Variants in SERPINB2 observed in about 807,000 individuals in gnomAD.
SERPINB2 encodes the protein plasminogen activator inhibitor 2.
A neutral mutation model predicts 39.4 loss-of-function variants in SERPINB2; 28 were observed. That is an observed-to-expected ratio of 0.71 (90% CI 0.53 to 0.97). The LOEUF (loss-of-function observed/expected upper bound fraction) is 0.97, where lower values mean the gene tolerates loss of function less well. Ranked by LOEUF, SERPINB2 falls within the 50% of genes least tolerant of loss-of-function variation. The pLI, the probability that SERPINB2 is intolerant of heterozygous loss-of-function variation, is 0.00. For missense variants in SERPINB2, 557 were observed against 505.3 expected, an observed-to-expected ratio of 1.10 and a Z score of -0.98; for synonymous variants, 209 against 175.1, an observed-to-expected ratio of 1.19 and a Z score of -1.53.
chr18:63,891,646 A>G (rs192334033), intron 2 of SERPINB2, 34 bp downstream of exon 2: 1 of 1,595,208 alleles, frequency 6.3e-7, no homozygotes, highest in African/African-American at 1.3e-5. Flanking sequence ...ATTTGGGCCG[A>G]GTAGTTCCTG....
chr18:63,901,816 C>T lies in SERPINB2; in HGVS notation c.612C>T (p.Phe204=), dbSNP rs374890983. 3.7e-6 allele frequency: 6 copies of T among 1,603,470 alleles called. No individual in the cohort carries two copies. Among genetic ancestry groups the T allele is most frequent in the African/African-American group, 1.3e-5 (1 of 74,140 alleles). The part of the protein sequence containing the change: ...TRMVLVNAVY[F]KGKWKTPFEK... ...TGGTCCTGGTGAATGCTGTCTACTT[C>T]AAAGGAAAGTGGAAAACTCCATTTG... Residue 204 remains phenylalanine (F), a synonymous_variant, in exon 6 of 8, where the codon TTC becomes TTT. Transcript: ENST00000299502.
Position 63,897,158 on chromosome 18 carries a change from G to A in SERPINB2, c.356G>A (p.Gly119Glu). 3 of 1,613,448 alleles carry A rather than the reference G, an allele frequency of 1.9e-6. No homozygotes were observed. The highest frequency in any genetic ancestry group is 2.5e-6 in the Non-Finnish European group (3 of 1,179,616). ...AGCTCTGCAATCAATGCATCCACAGGGAATTATTTACTGGAAAGTGTCAAT... is the reference window on the plus strand; with the variant it reads ...AGCTCTGCAATCAATGCATCCACAGAGAATTATTTACTGGAAAGTGTCAAT... ...SLSSAINAST[G>E]NYLLESVNKL... The change falls in exon 4 of 8, where the codon GGG (glycine) becomes GAG (glutamate). Residue 119 changes from glycine to glutamate, a missense_variant. Gly to Glu is a moderately conservative substitution (Grantham distance 98). Transcript: ENST00000299502.
rs200387636 is a variant in SERPINB2, at chr18:63,895,346, A to T, written c.251A>T (p.Gln84Leu). The change falls in exon 3 of 8, where the codon CAG (glutamine) becomes CTG (leucine). Residue 84 changes from glutamine (Q) to leucine (L), a missense_variant. By Grantham distance (113) the Gln-to-Leu change is moderately radical (BLOSUM62 -2). Transcript: ENST00000299502. ...ENFTSCGFMQQIQKGSYPDAI... is the reference protein window; with the variant it reads ...ENFTSCGFMQLIQKGSYPDAI... ...TTTACCAGCTGTGGGTTCATGCAGCAGATCCAGAAGGGTAGTTATCCTGAT... is the reference window on the plus strand; with the variant it reads ...TTTACCAGCTGTGGGTTCATGCAGCTGATCCAGAAGGGTAGTTATCCTGAT... The T allele has an allele frequency of 4.3e-6, 7 of 1,614,028 alleles. No individual in the cohort carries two copies. The African/African-American group carries it at 5.3e-5, about 12-fold the overall frequency.
intron 1 of SERPINB2, among the ~76,000 whole-genome samples, chr18:63,888,095 T>G (rs1044080726): frequency 1.3e-5 from 2 of 152,218 alleles, no homozygotes; most frequent in Non-Finnish European, 2.9e-5. Flanking sequence ...GCTACTGTTT[T>G]GACACTAAAT....
chr18:63,894,250 T>C (rs904372444), intron 2 of SERPINB2, among the ~76,000 whole-genome samples: 1 of 138,218 alleles, frequency 7.2e-6, no homozygotes, highest in African/African-American at 2.8e-5. Flanking sequence ...TCGTAGGAAA[T>C]CTTCTTCTTT....
Position 63,899,609 on chromosome 18 carries a change from G to A in SERPINB2, c.535+1765G>A, listed in dbSNP as rs946907473. Among the ~76,000 whole-genome samples, 4 of 152,210 alleles carry A rather than the reference G, an allele frequency of 2.6e-5. No individual in the cohort carries two copies. In the East Asian group the frequency reaches 7.7e-4, roughly 29 times the overall value. ...TCCATCTTACCAATTTGTGGTTGGA[G>A]CATCCTGTTCCCAGGGGATTAGCCG... On this transcript the variant is annotated intron_variant, in intron 5 of 7. Transcript: ENST00000299502.
intron 5 of SERPINB2, among the ~76,000 whole-genome samples, chr18:63,898,760 C>G (rs1568237283): frequency 6.6e-6 from 1 of 152,136 alleles, no homozygotes. Flanking sequence ...ATTGGGAAGA[C>G]AGGCTGGAGC....
intron 1 of SERPINB2, among the ~76,000 whole-genome samples, chr18:63,888,719 A>G (rs2049907532): frequency 6.6e-6 from 1 of 152,240 alleles, no homozygotes; most frequent in Non-Finnish European, 1.5e-5. Flanking sequence ...AGGAACCAAC[A>G]CACACACCAC....
intron 3 of SERPINB2, among the ~76,000 whole-genome samples, chr18:63,896,046 G>A (rs1192913311): frequency 6.6e-6 from 1 of 152,094 alleles, no homozygotes; most frequent in Non-Finnish European, 1.5e-5. Context: ...TAAAAACTGA[G>A]TATAGACTGC....
chr18:63,893,496 T>C (rs1327960209), intron 2 of SERPINB2, among the ~76,000 whole-genome samples: 1 of 151,386 alleles, frequency 6.6e-6, no homozygotes, highest in Non-Finnish European at 1.5e-5. Context: ...GTGTAGATTT[T>C]GAAATTCAAA....
chr18:63,899,251 G>A (rs1411499157), intron 5 of SERPINB2, among the ~76,000 whole-genome samples: 1 of 152,024 alleles, frequency 6.6e-6, no homozygotes, highest in Non-Finnish European at 1.5e-5. Context: ...AGTCACATTA[G>A]TGTTAGCCAT....
At position 63,902,512 on chromosome 18, in the gene SERPINB2, A is replaced by C. The variant is rs1267719564; in HGVS notation, c.787A>C (p.Ser263Arg). ...AGAACTCCCATATGCTGGAGATGTT[A>C]GCATGTTCTTGTTGCTTCCAGATGA... ...ILELPYAGDVSMFLLLPDEIA... is the reference protein window; with the variant it reads ...ILELPYAGDVRMFLLLPDEIA... The change falls in exon 7 of 8, where the codon AGC becomes CGC. Residue 263 changes from serine to arginine, a missense_variant. Coordinates refer to ENST00000299502, the MANE Select transcript of SERPINB2 (RefSeq NM_002575.3). 6.2e-7 allele frequency: 1 copy of C among 1,613,704 alleles called. No individual in the cohort carries two copies. Among genetic ancestry groups the C allele is most frequent in the South Asian group, 1.1e-5 (1 of 91,052 alleles).
chr18:63,889,181 T>C (rs896501792), intron 1 of SERPINB2, among the ~76,000 whole-genome samples: 2 of 152,210 alleles, frequency 1.3e-5, no homozygotes, highest in South Asian at 4.1e-4. Flanking sequence ...CAGGTAATTA[T>C]GCAAATTGAA....
intron 4 of SERPINB2, 80 bp from the exon 5 acceptor site, chr18:63,897,647 G>T: frequency 9.7e-7 from 1 of 1,030,266 alleles, no homozygotes; most frequent in Admixed American, 1.8e-5. Context: ...AATTTCAATG[G>T]GAAGACCATA....
At chr18:63,900,810 A>G (rs1367284119) in intron 5 of SERPINB2, among the ~76,000 whole-genome samples, 1 of 152,028 alleles carries the variant, frequency 6.6e-6, no homozygotes, top group Non-Finnish European at 1.5e-5. Context: ...TCCTACTTCA[A>G]AACCACATTG....
chr18:63,896,163 C>T (rs1222794016), intron 3 of SERPINB2, among the ~76,000 whole-genome samples: 1 of 152,026 alleles, frequency 6.6e-6, no homozygotes, highest in African/African-American at 2.4e-5. Flanking sequence ...TACCCATTGC[C>T]CAGGGAATTA....
At chr18:63,892,152 C>T (rs1471405969) in intron 2 of SERPINB2, among the ~76,000 whole-genome samples, 1 of 151,702 alleles carries the variant, frequency 6.6e-6, no homozygotes, top group African/African-American at 2.4e-5. Flanking sequence ...CTCACTATAC[C>T]CACAGGATGC....
At chr18:63,902,776 A>T in intron 7 of SERPINB2, 125 bp from the exon 8 acceptor site, 1 of 1,183,754 alleles carries the variant, frequency 8.4e-7, no homozygotes, top group Non-Finnish European at 1.2e-6. Flanking sequence ...CAATCTGTTA[A>T]CTTTCTATAT....
At chr18:63,897,063 T>C (rs1296383984) in intron 3 of SERPINB2, 28 bp from the exon 4 acceptor site, 2 of 1,603,158 alleles carry the variant, frequency 1.2e-6, no homozygotes, top group African/African-American at 1.3e-5. Flanking sequence ...CTGTGTTATA[T>C]ATAAAGAATT....
Sources: gnomAD v4.1 joint callset for allele counts (sites outside exome capture counted in the v4.1 genomes callset) on GRCh38, gnomAD v4.1.1 for gene constraint, MANE v1.5 for transcripts, NCBI Gene and HGNC (gene_info 2026-07-23, HGNC 2026-07-21) for gene names.